Variants in DACH2 observed in about 807,000 individuals in gnomAD.
The protein encoded by DACH2 is dachshund homolog 2.
Under a neutral mutation model 35.8 loss-of-function variants are expected in DACH2, and 17 were observed. The ratio of observed to expected loss-of-function variants is 0.48; its 90% CI spans 0.33 to 0.71. The LOEUF (loss-of-function observed/expected upper bound fraction) is 0.71, where lower values mean the gene tolerates loss of function less well. Among genes scored for constraint, DACH2 ranks in the 30% least tolerant of loss-of-function variants. The probability of loss-of-function intolerance (pLI) is 0.02; values close to 1 mark genes in which losing one functional copy is unlikely to be tolerated. For missense variants in DACH2, 469 were observed against 472.7 expected (o/e 0.99, Z 0.07); for synonymous variants, 195 against 177.3 (o/e 1.10, Z -0.79).
At chrX:86,305,459 G>C (rs897777604) in intron 1 of DACH2, among the ~76,000 whole-genome samples, 1 of 111,653 alleles carries the variant, frequency 9.0e-6, no homozygotes, top group Non-Finnish European at 1.9e-5. Flanking sequence ...TGTAAGGCTC[G>C]AAACTATAGA....
intron 1 of DACH2, among the ~76,000 whole-genome samples, chrX:86,297,620 T>C (rs1012235605): frequency 1.5e-4 from 17 of 112,054 alleles, no homozygotes; most frequent in African/African-American, 5.5e-4. Context: ...CTAAGTGTGT[T>C]AAATTGGTGA....
intron 3 of DACH2, among the ~76,000 whole-genome samples, chrX:86,518,379 G>A (rs1185164275): frequency 9.0e-6 from 1 of 111,593 alleles, no homozygotes; most frequent in African/African-American, 3.3e-5. Context: ...GGCTATTTGG[G>A]CTCTTTTTTG....
intron 3 of DACH2, among the ~76,000 whole-genome samples, chrX:86,585,405 A>T (rs1415278510): frequency 9.0e-6 from 1 of 111,109 alleles, no homozygotes; most frequent in African/African-American, 3.3e-5. Flanking sequence ...TTATCATTTA[A>T]CTTTTATTTT....
intron 1 of DACH2, among the ~76,000 whole-genome samples, chrX:86,186,532 G>A (rs1345740556): frequency 9.0e-6 from 1 of 111,651 alleles, no homozygotes; most frequent in Non-Finnish European, 1.9e-5. Context: ...TGATAAAATG[G>A]AGTTTTGAAG....
chrX:86,394,599 T>C (rs945424649), intron 2 of DACH2, among the ~76,000 whole-genome samples: 1 of 111,981 alleles, frequency 8.9e-6, no homozygotes, highest in African/African-American at 3.2e-5. Context: ...CTTTTGCTTA[T>C]AAGCTATGAA....
intron 2 of DACH2, chrX:86,481,767 C>A (rs1372122498): frequency 8.9e-6 from 1 of 112,022 alleles, no homozygotes; most frequent in African/African-American, 3.2e-5. Flanking sequence ...CATGTACATT[C>A]CTAACTATAG....
intron 1 of DACH2, among the ~76,000 whole-genome samples, chrX:86,159,370 G>A (rs2030667033): frequency 9.0e-6 from 1 of 111,470 alleles, no homozygotes. Flanking sequence ...ATAATTAAAT[G>A]TTTAATGTTA....
At chrX:86,658,659 C>A (rs1367888015) in intron 4 of DACH2, among the ~76,000 whole-genome samples, 1 of 111,467 alleles carries the variant, frequency 9.0e-6, no homozygotes, top group Non-Finnish European at 1.9e-5. Context: ...TAATCAATCA[C>A]TAAAGGTTAT....
chrX:86,762,293 G>T (rs1791713396), intron 7 of DACH2, among the ~76,000 whole-genome samples: 1 of 109,461 alleles, frequency 9.1e-6, no homozygotes, highest in African/African-American at 3.3e-5. Context: ...TTAGACTAGT[G>T]AAAAAAAAAT....
At chrX:86,736,192 G>A in intron 6 of DACH2, among the ~76,000 whole-genome samples, 1 of 110,993 alleles carries the variant, frequency 9.0e-6, no homozygotes, top group Non-Finnish European at 1.9e-5. Flanking sequence ...CTTAATCAAT[G>A]TACGACACTG....
At chrX:86,214,164 T>G (rs3859947) in intron 1 of DACH2, among the ~76,000 whole-genome samples, 8,483 of 111,334 alleles carry the variant, frequency 0.076, 802 homozygotes, top group African/African-American at 0.26. Flanking sequence ...CAGTTTCTTC[T>G]TCTGGTTTAT....
intron 2 of DACH2, among the ~76,000 whole-genome samples, chrX:86,464,203 A>G (rs976031643): frequency 9.9e-5 from 11 of 111,653 alleles, no homozygotes; most frequent in African/African-American, 3.3e-4. Context: ...TCATTCTACT[A>G]TAAAGACACA....
chrX:86,743,420 T>C (rs2041678285), intron 7 of DACH2, among the ~76,000 whole-genome samples: 1 of 111,520 alleles, frequency 9.0e-6, no homozygotes, highest in Non-Finnish European at 1.9e-5. Flanking sequence ...TATATAATCA[T>C]ATGGCATGGG....
At chrX:86,414,576 C>G (rs1376498332) in intron 2 of DACH2, among the ~76,000 whole-genome samples, 2 of 111,293 alleles carry the variant, frequency 1.8e-5, no homozygotes, top group African/African-American at 6.5e-5. Context: ...ATCTATTTCA[C>G]AAGGCATTGG....
intron 7 of DACH2, among the ~76,000 whole-genome samples, chrX:86,764,983 ATGT>A (rs1474569903): frequency 4.2e-5 from 4 of 94,829 alleles, no homozygotes; most frequent in Non-Finnish European, 4.5e-5. Flanking sequence ...ATGATAAGTG[ATGT>A]TGAGCATTTT....
intron 2 of DACH2, among the ~76,000 whole-genome samples, chrX:86,462,103 C>T (rs1324355695): frequency 9.1e-6 from 1 of 110,482 alleles, no homozygotes; most frequent in Non-Finnish European, 1.9e-5. Flanking sequence ...TACAGAAAAC[C>T]GTTGTTGGTT....
At chrX:86,657,331 A>G (rs956827870) in intron 4 of DACH2, among the ~76,000 whole-genome samples, 1 of 111,280 alleles carries the variant, frequency 9.0e-6, no homozygotes, top group Non-Finnish European at 1.9e-5. Flanking sequence ...TGTTTTGTAT[A>G]TCTGTATCAA....
At chrX:86,480,620 A>G (rs191877568) in intron 2 of DACH2, among the ~76,000 whole-genome samples, 2 of 112,470 alleles carry the variant, frequency 1.8e-5, no homozygotes, top group Non-Finnish European at 3.8e-5. Flanking sequence ...CCAAAAAGTA[A>G]GAAGTACTGC....
intron 3 of DACH2, among the ~76,000 whole-genome samples, chrX:86,562,377 C>T (rs1230611203): frequency 2.7e-5 from 3 of 111,150 alleles, no homozygotes; most frequent in South Asian, 3.7e-4. Flanking sequence ...TTTGAAAGAA[C>T]GTGGGATGCC....
Sources: gnomAD v4.1 joint callset for allele counts (sites outside exome capture counted in the v4.1 genomes callset) on GRCh38, gnomAD v4.1.1 for gene constraint, MANE v1.5 for transcripts, NCBI Gene and HGNC (gene_info 2026-07-23, HGNC 2026-07-21) for gene names.